Variants in RASGRP3 observed in about 807,000 individuals in gnomAD.
RASGRP3 encodes the protein ras guanyl-releasing protein 3.
Under a neutral mutation model 82.7 loss-of-function variants are expected in RASGRP3, and 54 were observed. That is an observed-to-expected ratio of 0.65 (90% CI 0.52 to 0.82). The LOEUF (loss-of-function observed/expected upper bound fraction) is 0.82, where lower values mean the gene tolerates loss of function less well. Among genes scored for constraint, RASGRP3 ranks in the 40% least tolerant of loss-of-function variants. RASGRP3 has a pLI of 0.00. For missense variants in RASGRP3, 861 were observed against 828.9 expected, an observed-to-expected ratio of 1.04 and a Z score of -0.48; for synonymous variants, 309 against 300.5, an observed-to-expected ratio of 1.03 and a Z score of -0.29.
chr2:33,441,959 T>C (rs1462802393), intron 1 of RASGRP3, among the ~76,000 whole-genome samples: 1 of 152,146 alleles, frequency 6.6e-6, no homozygotes, highest in Non-Finnish European at 1.5e-5. Context: ...TATACAGACA[T>C]TAAATTACAT....
At chr2:33,527,546 T>TCA in intron 10 of RASGRP3, 134 bp downstream of exon 10, 1 of 960,342 alleles carries the variant, frequency 1.0e-6, no homozygotes. Context: ...AGAGGAAATC[T>TCA]CATAGAACAA....
chr2:33,562,030 T>G (rs1280111992), intron 17 of RASGRP3, among the ~76,000 whole-genome samples: 1 of 152,222 alleles, frequency 6.6e-6, no homozygotes, highest in African/African-American at 2.4e-5. Context: ...TGTTTATGAA[T>G]ATATGTAATA....
intron 1 of RASGRP3, chr2:33,483,003 C>A (rs560973545): frequency 6.6e-6 from 1 of 151,058 alleles, no homozygotes; most frequent in African/African-American, 2.4e-5. Flanking sequence ...AATTTCTTCA[C>A]CTTTCAAGAG....
Position 33,558,453 on chromosome 2 carries a change from CT to C in RASGRP3, c.1705+120del, listed in dbSNP as rs1252916448. 6 of 1,473,380 alleles carry C rather than the reference CT, an allele frequency of 4.1e-6. No homozygotes were observed. In the East Asian group the frequency reaches 1.2e-4, roughly 28 times the overall value. The allele number at this position is 1,473,380 out of a possible 1,614,324, so 91.3% of individuals were successfully genotyped here. ...CAGTCACTCTAAACGCTAAGGCCTT[CT>C]TTAGGGTGAGCAGCAGTAGCTAAAC... On this transcript the variant is annotated intron_variant, in intron 16 of 17. Transcript: ENST00000403687.
At chr2:33,478,025 A>T (rs1667535925) in intron 1 of RASGRP3, among the ~76,000 whole-genome samples, 1 of 152,104 alleles carries the variant, frequency 6.6e-6, no homozygotes, top group Admixed American at 6.5e-5. Flanking sequence ...ATGAGGGAAC[A>T]CTGTTCTCTC....
At chr2:33,440,107 G>T (rs538873846) in intron 1 of RASGRP3, among the ~76,000 whole-genome samples, 1 of 152,198 alleles carries the variant, frequency 6.6e-6, no homozygotes, top group Non-Finnish European at 1.5e-5. Context: ...TAGTGAGAGG[G>T]ATGGGGATTT....
Position 33,537,319 on chromosome 2 carries a change from CA to C in RASGRP3, c.1162-1774del, listed in dbSNP as rs1231037066. 1.8e-3 allele frequency among the ~76,000 whole-genome samples: 84 copies of C among 46,400 alleles called. 1 individual carries two copies. Among genetic ancestry groups the C allele is most frequent in the African/African-American group, 8.5e-3 (58 of 6,858 alleles). 30.4% of individuals were successfully genotyped at this position (46,400 alleles called of 152,430 possible). On this transcript the variant is annotated intron_variant, in intron 11 of 17. Transcript: ENST00000403687. ...TGTCTCTAAAATACACACACACACA[CA>C]CCGCCCCCCCCACACACACACACAA...
intron 1 of RASGRP3, among the ~76,000 whole-genome samples, chr2:33,438,380 G>A (rs972004884): frequency 6.6e-6 from 1 of 152,000 alleles, no homozygotes. Context: ...CTAGCTAACA[G>A]GGTGAAACCC....
chr2:33,478,591 A>G (rs1667589746), intron 1 of RASGRP3, among the ~76,000 whole-genome samples: 1 of 152,036 alleles, frequency 6.6e-6, no homozygotes, highest in African/African-American at 2.4e-5. Flanking sequence ...CCTTTGAAAA[A>G]CCCATGCCTT....
chr2:33,503,314 T>G (rs569337571), intron 1 of RASGRP3, among the ~76,000 whole-genome samples: 1 of 152,326 alleles, frequency 6.6e-6, no homozygotes, highest in East Asian at 1.9e-4. Flanking sequence ...CCTAAGATAC[T>G]ACATAAATTT....
chr2:33,498,228 T>A (rs778527892), intron 1 of RASGRP3, among the ~76,000 whole-genome samples: 3 of 152,204 alleles, frequency 2.0e-5, no homozygotes, highest in African/African-American at 4.8e-5. Flanking sequence ...CTTTACCTGT[T>A]ATTAACTTAC....
At chr2:33,548,480 G>A in intron 13 of RASGRP3, among the ~76,000 whole-genome samples, 1 of 152,002 alleles carries the variant, frequency 6.6e-6, no homozygotes, top group East Asian at 1.9e-4. Flanking sequence ...GTGAACGGAG[G>A]AAGAAACAGG....
chr2:33,507,897 G>A (rs1484093856), intron 1 of RASGRP3, among the ~76,000 whole-genome samples: 1 of 152,216 alleles, frequency 6.6e-6, no homozygotes. Context: ...CCTATACTGT[G>A]GATGGGGAAA....
chr2:33,516,758 A>G, intron 4 of RASGRP3, 114 bp downstream of exon 4: 1 of 730,192 alleles, frequency 1.4e-6, no homozygotes, highest in Non-Finnish European at 2.2e-6. Context: ...TTGGTTATCC[A>G]GCTGTTTTGT....
chr2:33,442,237 G>A (rs1481360636), intron 1 of RASGRP3, among the ~76,000 whole-genome samples: 1 of 152,114 alleles, frequency 6.6e-6, no homozygotes, highest in Admixed American at 6.5e-5. Context: ...GATGGCATGC[G>A]CCTGTAGTCC....
chr2:33,470,677 C>A (rs1667006845), intron 2 of RASGRP3, among the ~76,000 whole-genome samples: 1 of 152,034 alleles, frequency 6.6e-6, no homozygotes, highest in East Asian at 1.9e-4. Context: ...CCACGCCCGG[C>A]CAAGAATTAT....
At chr2:33,551,216 G>A (rs1000717998) in intron 14 of RASGRP3, among the ~76,000 whole-genome samples, 4 of 152,186 alleles carry the variant, frequency 2.6e-5, no homozygotes, top group African/African-American at 9.7e-5. Flanking sequence ...AGGAGGCTGA[G>A]GCAGGAGAAT....
At chr2:33,562,352 C>T (rs144334310) in intron 17 of RASGRP3, among the ~76,000 whole-genome samples, 269 of 151,116 alleles carry the variant, frequency 1.8e-3, no homozygotes, top group African/African-American at 6.1e-3. Context: ...ACCACAGCCT[C>T]GAACTCCTGG....
chr2:33,530,478 A>G (rs1229042951), intron 10 of RASGRP3, among the ~76,000 whole-genome samples: 1 of 150,674 alleles, frequency 6.6e-6, no homozygotes, highest in East Asian at 1.9e-4. Flanking sequence ...TGTGAGTGTA[A>G]CATCACCCCT....
Sources: allele counts gnomAD v4.1 joint callset (sites outside exome capture counted in the v4.1 genomes callset), GRCh38; gene constraint gnomAD v4.1.1; transcripts MANE v1.5; gene names NCBI Gene and HGNC (gene_info 2026-07-23, HGNC 2026-07-21).